The following NXPE4 variants were observed in gnomAD, a reference collection of about 807,000 sequenced individuals.
NXPE4 encodes the protein neurexophilin and PC-esterase domain family member 4.
In NXPE4, 42 loss-of-function variants were observed where a neutral mutation model predicts 33.3. That is an observed-to-expected ratio of 1.26 (90% CI 0.98 to 1.63). The LOEUF (loss-of-function observed/expected upper bound fraction) is 1.63, where lower values mean the gene tolerates loss of function less well. NXPE4 is among the 40% of genes most tolerant of loss of function. NXPE4 has a pLI of 0.00. For synonymous variants in NXPE4, 253 were observed against 234.9 expected (o/e 1.08, Z -0.71); for missense variants, 709 against 647.6 (o/e 1.09, Z -1.03).
At chr11:114,587,184 A>T (rs1457783002) in intron 2 of NXPE4, among the ~76,000 whole-genome samples, 1 of 152,156 alleles carries the variant, frequency 6.6e-6, no homozygotes, top group Non-Finnish European at 1.5e-5. Flanking sequence ...TGTCTTCAAC[A>T]ATGAGGGGAA....
chr11:114,655,402 G>A, the NXPE4 span, among the ~76,000 whole-genome samples: 1 of 152,140 alleles, frequency 6.6e-6, no homozygotes, highest in Admixed American at 6.5e-5. Context: ...CTTGGATCAT[G>A]CCTGTGTCTT....
the NXPE4 span, among the ~76,000 whole-genome samples, chr11:114,661,834 G>A: frequency 2.0e-5 from 3 of 152,110 alleles, no homozygotes; most frequent in Non-Finnish European, 2.9e-5. Flanking sequence ...CACAGAGGTT[G>A]ACAGAAAAAA....
chr11:114,640,081 A>G, the NXPE4 span, among the ~76,000 whole-genome samples: 63 of 116,834 alleles, frequency 5.4e-4, no homozygotes, highest in Admixed American at 7.1e-4. Context: ...AATATATAAT[A>G]TAATGTAATA....
the NXPE4 span, among the ~76,000 whole-genome samples, chr11:114,653,363 C>T: frequency 1.3e-5 from 2 of 152,260 alleles, no homozygotes; most frequent in South Asian, 4.1e-4. Flanking sequence ...ATAAGCTCAA[C>T]GGTTTTGTTG....
chr11:114,618,568 A>C, the NXPE4 span, among the ~76,000 whole-genome samples: 1 of 152,052 alleles, frequency 6.6e-6, no homozygotes, highest in African/African-American at 2.4e-5. Flanking sequence ...AGTGGATAAT[A>C]AGTATTGCCT....
chr11:114,632,658 AATAT>A, the NXPE4 span, among the ~76,000 whole-genome samples: 1 of 90,530 alleles, frequency 1.1e-5, no homozygotes, highest in Non-Finnish European at 1.9e-5. Flanking sequence ...ATGTAAAATA[AATAT>A]ATAGTATATA....
the NXPE4 span, among the ~76,000 whole-genome samples, chr11:114,625,379 T>A: frequency 6.0e-3 from 906 of 152,178 alleles, 5 homozygotes; most frequent in Non-Finnish European, 9.9e-3. Flanking sequence ...GGGTAACCAC[T>A]GTTACCCAGT....
At chr11:114,633,131 TTCA>T in the NXPE4 span, among the ~76,000 whole-genome samples, 12 of 125,716 alleles carry the variant, frequency 9.5e-5, no homozygotes, top group Non-Finnish European at 1.9e-4. Context: ...TAATTTATAT[TTCA>T]TATATTATTT....
intron 2 of NXPE4, among the ~76,000 whole-genome samples, chr11:114,587,292 T>C (rs1949326191): frequency 6.6e-6 from 1 of 152,194 alleles, no homozygotes; most frequent in Non-Finnish European, 1.5e-5. Context: ...CTATTCTGCC[T>C]CCAATTAAAA....
the NXPE4 span, among the ~76,000 whole-genome samples, chr11:114,642,219 A>T: frequency 6.6e-6 from 1 of 152,114 alleles, no homozygotes; most frequent in Non-Finnish European, 1.5e-5. Context: ...CTTCTCCCCC[A>T]GTTCAAAAAA....
chr11:114,632,064 A>C, the NXPE4 span, among the ~76,000 whole-genome samples: 6 of 135,196 alleles, frequency 4.4e-5, no homozygotes, highest in Non-Finnish European at 9.6e-5. Flanking sequence ...ATATGTAAGA[A>C]TTGTATAGTA....
chr11:114,624,477 T>A, the NXPE4 span, among the ~76,000 whole-genome samples: 1 of 152,204 alleles, frequency 6.6e-6, no homozygotes, highest in Admixed American at 6.5e-5. Flanking sequence ...GGATAATAAG[T>A]ATTGCCCATG....
chr11:114,644,632 G>A, the NXPE4 span, among the ~76,000 whole-genome samples: 1 of 152,092 alleles, frequency 6.6e-6, no homozygotes, highest in East Asian at 1.9e-4. Flanking sequence ...AAGAAGGCAT[G>A]AATAAATGGA....
the NXPE4 span, among the ~76,000 whole-genome samples, chr11:114,656,271 A>T: frequency 1.2e-4 from 19 of 152,292 alleles, no homozygotes; most frequent in East Asian, 2.9e-3. Flanking sequence ...TACTCAAGGA[A>T]ATAAGGGAGG....
the NXPE4 span, among the ~76,000 whole-genome samples, chr11:114,671,965 T>G: frequency 6.6e-6 from 1 of 152,008 alleles, no homozygotes; most frequent in Non-Finnish European, 1.5e-5. Context: ...CTGTACAGGC[T>G]TCTACTTCTA....
At chr11:114,675,096 A>G in the NXPE4 span, among the ~76,000 whole-genome samples, 6 of 151,896 alleles carry the variant, frequency 4.0e-5, no homozygotes, top group Admixed American at 3.9e-4. Context: ...ACAATATTCA[A>G]TGTCTTTTCA....
chr11:114,599,973 T>C (rs1391419136), upstream of NXPE4, among the ~76,000 whole-genome samples: 1 of 151,912 alleles, frequency 6.6e-6, no homozygotes, highest in Non-Finnish European at 1.5e-5. Flanking sequence ...ATAGCATAAA[T>C]AAATGGGGTA....
At chr11:114,615,424 A>T in the NXPE4 span, among the ~76,000 whole-genome samples, 1 of 151,986 alleles carries the variant, frequency 6.6e-6, no homozygotes, top group Non-Finnish European at 1.5e-5. Flanking sequence ...ATGGAGAATA[A>T]GTAATGCCTC....
the NXPE4 span, among the ~76,000 whole-genome samples, chr11:114,676,663 TA>T: frequency 2.0e-5 from 3 of 152,024 alleles, no homozygotes; most frequent in Non-Finnish European, 2.9e-5. Flanking sequence ...GATGGGAATG[TA>T]AATTAGTACA....
Sources: allele counts gnomAD v4.1 joint callset (sites outside exome capture counted in the v4.1 genomes callset), GRCh38; gene constraint gnomAD v4.1.1; transcripts MANE v1.5; gene names NCBI Gene and HGNC (gene_info 2026-07-23, HGNC 2026-07-21).